The following CFTR variants were observed in gnomAD, a reference collection of about 807,000 sequenced individuals.
The protein encoded by CFTR is cystic fibrosis transmembrane conductance regulator.
In CFTR, 181 loss-of-function variants were observed where a neutral mutation model predicts 171.6. That is an observed-to-expected ratio of 1.05 (90% CI 0.93 to 1.19). CFTR has a LOEUF of 1.19. Ranked by LOEUF, CFTR falls within the 50% of genes most tolerant of loss-of-function variation. The pLI, the probability that CFTR is intolerant of heterozygous loss-of-function variation, is 0.00. For missense variants in CFTR, 1,968 were observed against 1,734.7 expected, an observed-to-expected ratio of 1.13 and a Z score of -2.39; for synonymous variants, 583 against 608.0, an observed-to-expected ratio of 0.96 and a Z score of 0.60.
At chr7:117,546,934 T>C (rs1055217059) in intron 9 of CFTR, among the ~76,000 whole-genome samples, 2 of 152,192 alleles carry the variant, frequency 1.3e-5, no homozygotes, top group Admixed American at 1.3e-4. Context: ...TTGGTTGTTC[T>C]CTTGAATGTA....
chr7:117,501,768 A>G lies in CFTR; in HGVS notation c.54-2485A>G, dbSNP rs868040226. Among the ~76,000 whole-genome samples the G allele has an allele frequency of 3.3e-3, 484 of 148,826 alleles. 2 individuals are homozygous for G. Among genetic ancestry groups the G allele is most frequent in the African/African-American group, 8.5e-3 (343 of 40,472 alleles). ...GTCTCAAAAAAAAAAAAAAAAAAAA[A>G]AAAGAAACAAAAAAAAAAAAAAAAC... On this transcript the variant is annotated intron_variant, in intron 1 of 26. Transcript: ENST00000003084.
chr7:117,655,643 C>A lies in CFTR; in HGVS notation c.3963+2712C>A, dbSNP rs150911855. Among the ~76,000 whole-genome samples, 18 of 152,298 alleles carry A rather than the reference C, an allele frequency of 1.2e-4. No homozygotes were observed. The East Asian group carries it at 3.1e-3, about 26-fold the overall frequency. ...AAACTCTTCCAGCCTCTACTCATTACCTTGTTCCAAAGCTGCTTCCACATT... is the reference window on the plus strand; with the variant it reads ...AAACTCTTCCAGCCTCTACTCATTAACTTGTTCCAAAGCTGCTTCCACATT... On this transcript the variant is annotated intron_variant, in intron 24 of 26. Coordinates refer to ENST00000003084, the MANE Select transcript of CFTR (RefSeq NM_000492.4).
chr7:117,642,390 A>G, intron 22 of CFTR, 48 bp from the exon 23 acceptor site: 1 of 1,521,028 alleles, frequency 6.6e-7, no homozygotes, highest in Non-Finnish European at 9.1e-7. Flanking sequence ...TGTTTATGGC[A>G]TGGTACCTAT....
In CFTR at chr7:117,553,493, G is replaced by A. The variant is rs1226170363; in HGVS notation, c.1392+4670G>A. Among the ~76,000 whole-genome samples the A allele has an allele frequency of 3.3e-5, 5 of 152,130 alleles. No homozygotes were observed. In the East Asian group the frequency reaches 9.6e-4, roughly 29 times the overall value. On this transcript the variant is annotated intron_variant, in intron 10 of 26. Coordinates refer to ENST00000003084, the MANE Select transcript of CFTR (RefSeq NM_000492.4). ...TAGATGTTGTCAAATGTCCTTCCCT[G>A]AAATTTGTACCAATTCGTACTCATG... is the stretch of plus-strand genomic sequence containing the variant.
chr7:117,572,961 A>G (rs573537496), intron 11 of CFTR, among the ~76,000 whole-genome samples: 5 of 152,286 alleles, frequency 3.3e-5, no homozygotes, highest in African/African-American at 4.8e-5. Context: ...CTATCTACAA[A>G]GTCACAGGAA....
At chr7:117,483,244 A>G (rs908984195) in intron 1 of CFTR, among the ~76,000 whole-genome samples, 1 of 152,226 alleles carries the variant, frequency 6.6e-6, no homozygotes, top group Non-Finnish European at 1.5e-5. Context: ...CCTTTGATCA[A>G]AATAATTTTG....
intron 1 of CFTR, among the ~76,000 whole-genome samples, chr7:117,489,935 C>A (rs545013503): frequency 2.1e-4 from 32 of 152,000 alleles, no homozygotes; most frequent in Admixed American, 1.6e-3. Flanking sequence ...AGTGTGAAAA[C>A]CACTGACTTA....
intron 1 of CFTR, among the ~76,000 whole-genome samples, chr7:117,504,004 AACCAT>A (rs1398351513): frequency 6.6e-6 from 1 of 152,146 alleles, no homozygotes; most frequent in Non-Finnish European, 1.5e-5. Context: ...CCCTGGGAAA[AACCAT>A]ACTATTATTC....
At chr7:117,572,933 A>G (rs183123029) in intron 11 of CFTR, among the ~76,000 whole-genome samples, 11 of 152,304 alleles carry the variant, frequency 7.2e-5, no homozygotes, top group Non-Finnish European at 1.6e-4. Context: ...CCATTAAAAA[A>G]GGGTTTATGG....
At position 117,559,613 on chromosome 7, in the gene CFTR, A is replaced by C. The variant is rs781680305; in HGVS notation, c.1542A>C (p.Glu514Asp). Residue 514 changes from glutamate to aspartate, a missense_variant, in exon 11 of 27, where the codon GAA becomes GAC. By Grantham distance (45) the Glu-to-Asp change is conservative. Coordinates refer to ENST00000003084, the MANE Select transcript of CFTR (RefSeq NM_000492.4). ...TCATCTTTGGTGTTTCCTATGATGA[A>C]TATAGATACAGAAGCGTCATCAAAG... ...ENIIFGVSYDEYRYRSVIKAC... is the reference protein window; with the variant it reads ...ENIIFGVSYDDYRYRSVIKAC... 20 of 1,613,378 alleles carry C rather than the reference A, an allele frequency of 1.2e-5. No homozygotes were observed. Among genetic ancestry groups the C allele is most frequent in the Non-Finnish European group, 1.7e-5 (20 of 1,179,520 alleles).
At chr7:117,571,102 G>C (rs937782542) in intron 11 of CFTR, among the ~76,000 whole-genome samples, 3 of 152,046 alleles carry the variant, frequency 2.0e-5, no homozygotes, top group South Asian at 2.1e-4. Context: ...TTAAACTATG[G>C]AAGTCCAGGT....
At chr7:117,535,491 C>A in intron 6 of CFTR, 80 bp downstream of exon 6, 35 of 1,066,882 alleles carry the variant, frequency 3.3e-5, no homozygotes, top group Non-Finnish European at 4.6e-5. Flanking sequence ...CAGGACTGCT[C>A]TATGCATAGA....
intron 1 of CFTR, among the ~76,000 whole-genome samples, chr7:117,484,061 A>G (rs1026087147): frequency 5.3e-5 from 8 of 152,198 alleles, no homozygotes; most frequent in African/African-American, 1.7e-4. Flanking sequence ...TTTTATTTAC[A>G]TGTTTGCAAT....
intron 11 of CFTR, chr7:117,564,599 A>C (rs1195946852): frequency 6.0e-6 from 1 of 166,806 alleles, no homozygotes; most frequent in African/African-American, 2.4e-5. Context: ...CCAAATGCAA[A>C]CATTCATGAT....
intron 17 of CFTR, among the ~76,000 whole-genome samples, chr7:117,604,111 A>C (rs1792269333): frequency 6.6e-6 from 1 of 152,188 alleles, no homozygotes; most frequent in Admixed American, 6.5e-5. Context: ...TCTTGTTGCC[A>C]ATATATAGTA....
chr7:117,602,894 G>T, intron 16 of CFTR, 31 bp downstream of exon 16: 1 of 1,582,852 alleles, frequency 6.3e-7, no homozygotes, highest in Non-Finnish European at 8.7e-7. Flanking sequence ...TGTGTAGATT[G>T]TGTTTTATTT....
intron 15 of CFTR, among the ~76,000 whole-genome samples, chr7:117,599,909 T>C (rs1247784318): frequency 6.6e-6 from 1 of 152,088 alleles, no homozygotes; most frequent in African/African-American, 2.4e-5. Context: ...GATGACAGTT[T>C]AGTTCTTTTA....
intron 15 of CFTR, among the ~76,000 whole-genome samples, chr7:117,600,297 T>A (rs1191637607): frequency 6.6e-6 from 1 of 152,064 alleles, no homozygotes; most frequent in African/African-American, 2.4e-5. Flanking sequence ...TCTATTATGT[T>A]AATTCTTAGA....
At chr7:117,570,602 C>T (rs1171448167) in intron 11 of CFTR, among the ~76,000 whole-genome samples, 2 of 152,162 alleles carry the variant, frequency 1.3e-5, no homozygotes, top group Admixed American at 1.3e-4. Flanking sequence ...TCACATGTCT[C>T]ATAATTGGTG....
Sources: allele counts gnomAD v4.1 joint callset (sites outside exome capture counted in the v4.1 genomes callset), GRCh38; gene constraint gnomAD v4.1.1; transcripts MANE v1.5; gene names NCBI Gene and HGNC (gene_info 2026-07-23, HGNC 2026-07-21).